Variants in SPECC1 observed in about 807,000 individuals in gnomAD.
The protein encoded by SPECC1 is sperm antigen with calponin homology and coiled-coil domains 1.
SPECC1 carries 62 observed loss-of-function variants against 104.1 expected under a neutral mutation model. That is an observed-to-expected ratio of 0.60 (90% CI 0.49 to 0.74). The LOEUF (loss-of-function observed/expected upper bound fraction) is 0.74. Among genes scored for constraint, SPECC1 ranks in the 30% least tolerant of loss-of-function variants. The pLI, the probability that SPECC1 is intolerant of heterozygous loss-of-function variation, is 0.00. For synonymous variants in SPECC1, 513 were observed against 501.6 expected (o/e 1.02, Z -0.30); for missense variants, 1,306 against 1,310.5 (o/e 1.00, Z 0.05).
chr17:20,232,825 A>G (rs556732932), intron 7 of SPECC1, among the ~76,000 whole-genome samples: 3 of 152,374 alleles, frequency 2.0e-5, no homozygotes, highest in East Asian at 3.9e-4. Flanking sequence ...GGAGAAGGAC[A>G]CATTCCTCTG....
intron 3 of SPECC1, among the ~76,000 whole-genome samples, chr17:20,196,146 C>CA (rs2151304903): frequency 6.6e-6 from 1 of 152,286 alleles, no homozygotes; most frequent in Non-Finnish European, 1.5e-5. Context: ...ACCCTTTAGG[C>CA]AAAAAACCCA....
In SPECC1 at chr17:20,161,817, CAG is replaced by C. The variant is rs1296499540; in HGVS notation, c.284-42513_284-42512del. ...TTCTTTCTTTTTTTTTTTTTTGAGA[CAG>C]AGTCTCATTCTGTTGCCTAGGCTGG... is the stretch of plus-strand genomic sequence containing the variant. On this transcript the variant is annotated intron_variant, in intron 3 of 14. Transcript: ENST00000395527. Among the ~76,000 whole-genome samples, 4 of 140,324 alleles carry C rather than the reference CAG, an allele frequency of 2.9e-5. No homozygotes were observed. In the East Asian group the frequency reaches 6.1e-4, roughly 21 times the overall value. The allele number at this position is 140,324 out of a possible 152,430, so 92.1% of individuals were successfully genotyped here. A position where few individuals can be genotyped will look rare whatever the true frequency, so the allele number is the denominator to read the frequency against.
rs1422767405 is a variant in SPECC1, at chr17:20,063,374, A to G, written c.-21-33257A>G. ...CCTAGTTTACAAATCCTTATATGTAATTACGTTCTCTTTCTTGTTCCTAAT... is the reference window on the plus strand; with the variant it reads ...CCTAGTTTACAAATCCTTATATGTAGTTACGTTCTCTTTCTTGTTCCTAAT... On this transcript the variant is annotated intron_variant, in intron 1 of 14. Coordinates refer to ENST00000395527, the MANE Select transcript of SPECC1 (RefSeq NM_001243439.2). Among the ~76,000 whole-genome samples, 7 of 152,258 alleles carry G rather than the reference A, an allele frequency of 4.6e-5. No individual in the cohort carries two copies. The East Asian group carries it at 1.3e-3, about 29-fold the overall frequency.
chr17:20,206,223 T>C (rs764456023), intron 4 of SPECC1, among the ~76,000 whole-genome samples: 31 of 152,196 alleles, frequency 2.0e-4, no homozygotes, highest in Non-Finnish European at 3.4e-4. Flanking sequence ...AGGAGGGGCA[T>C]CTGGTGTAAC....
At chr17:20,130,455 A>C (rs746538585) in intron 3 of SPECC1, among the ~76,000 whole-genome samples, 1 of 152,138 alleles carries the variant, frequency 6.6e-6, no homozygotes, top group Non-Finnish European at 1.5e-5. Flanking sequence ...GGATTGTTTG[A>C]GCCTGGGAGG....
intron 10 of SPECC1, 93 bp from the exon 11 acceptor site, chr17:20,257,358 A>G: frequency 7.2e-7 from 1 of 1,397,008 alleles, no homozygotes; most frequent in East Asian, 2.5e-5. Context: ...ACTTGAGGAT[A>G]AAATGAGAAC....
At chr17:20,041,547 T>C (rs2045326962) in intron 1 of SPECC1, among the ~76,000 whole-genome samples, 1 of 150,580 alleles carries the variant, frequency 6.6e-6, no homozygotes, top group Admixed American at 6.6e-5. Flanking sequence ...CTGGCCAAAA[T>C]ATATATCTTT....
chr17:20,065,712 C>T (rs891142258), intron 1 of SPECC1, among the ~76,000 whole-genome samples: 1 of 152,208 alleles, frequency 6.6e-6, no homozygotes, highest in Non-Finnish European at 1.5e-5. Flanking sequence ...GCATGCCTGT[C>T]TCTTCAAGAC....
intron 3 of SPECC1, among the ~76,000 whole-genome samples, chr17:20,148,755 T>C (rs552004769): frequency 3.8e-4 from 58 of 152,230 alleles, no homozygotes; most frequent in South Asian, 1.5e-3. Flanking sequence ...GTTTTGCTCT[T>C]GTTGCCCAGG....
intron 7 of SPECC1, among the ~76,000 whole-genome samples, chr17:20,236,264 G>A (rs2038905012): frequency 6.6e-6 from 1 of 152,114 alleles, no homozygotes; most frequent in South Asian, 2.1e-4. Flanking sequence ...GGCCCTTGAT[G>A]CAGAACCTGG....
chr17:20,240,286 A>T (rs1397286776), intron 7 of SPECC1, among the ~76,000 whole-genome samples: 1 of 151,516 alleles, frequency 6.6e-6, no homozygotes, highest in African/African-American at 2.4e-5. Context: ...TAGTTTTGCA[A>T]CTTTTCCCTG....
chr17:20,112,174 C>T, intron 3 of SPECC1: 1 of 763,530 alleles, frequency 1.3e-6, no homozygotes. Flanking sequence ...TATGCTGGCC[C>T]ACATGTTTAA....
In SPECC1 at chr17:20,204,468, C is replaced by T; in HGVS notation, c.419C>T (p.Thr140Ile). The change falls in exon 4 of 15, where the codon ACT becomes ATT. Residue 140 changes from threonine to isoleucine, a missense_variant. Physicochemically the swap from Thr to Ile is moderately conservative, Grantham distance 89. Coordinates refer to ENST00000395527, the MANE Select transcript of SPECC1 (RefSeq NM_001243439.2). Reference sequence around the variant, plus strand: ...GTGTCCAGTCCAACTTCTTCCAACACTCCCACTCCTACGAAACACCTGAGG... The same window carrying T: ...GTGTCCAGTCCAACTTCTTCCAACATTCCCACTCCTACGAAACACCTGAGG... ...KSVSSPTSSN[T>I]PTPTKHLRTP... The T allele has an allele frequency of 5.0e-6, 8 of 1,614,144 alleles. No homozygotes were observed. The highest frequency in any genetic ancestry group is 6.8e-6 in the Non-Finnish European group (8 of 1,180,034).
intron 3 of SPECC1, among the ~76,000 whole-genome samples, chr17:20,165,975 C>T (rs564129584): frequency 6.6e-6 from 1 of 151,970 alleles, no homozygotes; most frequent in South Asian, 2.1e-4. Flanking sequence ...CAAAAATGTT[C>T]TCCCATTCTG....
intron 10 of SPECC1, among the ~76,000 whole-genome samples, chr17:20,254,106 T>C (rs1286607060): frequency 6.6e-6 from 1 of 151,572 alleles, no homozygotes; most frequent in East Asian, 1.9e-4. Context: ...ATTTGTCTTT[T>C]GGTGCAGTCC....
rs115801983 is a variant in SPECC1, at chr17:20,115,961, C to T, written c.283+5399C>T. On this transcript the variant is annotated intron_variant, in intron 3 of 14. Transcript: ENST00000395527. ...AATGATGATTGTAATCAGATAATAA[C>T]ATTGTATGCTTTGAATTTCCTGAAA... 2.2e-3 allele frequency among the ~76,000 whole-genome samples: 331 copies of T among 152,318 alleles called. 1 individual carries two copies. Among genetic ancestry groups the T allele is most frequent in the African/African-American group, 6.5e-3 (270 of 41,572 alleles).
chr17:20,023,708 AG>A (rs1034448716), intron 1 of SPECC1, among the ~76,000 whole-genome samples: 3 of 152,238 alleles, frequency 2.0e-5, no homozygotes, highest in African/African-American at 7.2e-5. Flanking sequence ...AGGAATGACA[AG>A]AAAGACTCTG....
chr17:20,302,900 AAAAG>A lies in SPECC1; in HGVS notation c.3058-3121_3058-3118del, dbSNP rs1387058199. ...ATCTAAAAAAAAAAAAAAAAAAAAA[AAAAG>A]AGGAAAGAAAACAAGTGGTTTCATT... On this transcript the variant is annotated intron_variant, in intron 13 of 14. Transcript: ENST00000395527. Among the ~76,000 whole-genome samples, 47 of 150,288 alleles carry A rather than the reference AAAAG, an allele frequency of 3.1e-4. 1 individual carries two copies. The highest frequency in any genetic ancestry group is 1.0e-3 in the African/African-American group (43 of 41,186).
At chr17:20,067,127 G>C (rs1370966072) in intron 1 of SPECC1, 3 of 151,870 alleles carry the variant, frequency 2.0e-5, no homozygotes, top group Non-Finnish European at 4.4e-5. Context: ...AAAGCATAAA[G>C]AAAATTAAAA....
Sources: allele counts gnomAD v4.1 joint callset (sites outside exome capture counted in the v4.1 genomes callset), GRCh38; gene constraint gnomAD v4.1.1; transcripts MANE v1.5; gene names NCBI Gene and HGNC (gene_info 2026-07-23, HGNC 2026-07-21).